The following ABRAXAS2 variants were observed in gnomAD, a reference collection of about 807,000 sequenced individuals.
ABRAXAS2 encodes the protein abraxas 2, BRISC complex subunit.
A neutral mutation model predicts 49.0 loss-of-function variants in ABRAXAS2; 23 were observed. That is an observed-to-expected ratio of 0.47 (90% confidence interval 0.34 to 0.66). ABRAXAS2 has a LOEUF of 0.66. ABRAXAS2 is among the 30% of genes least tolerant of loss of function. The pLI is 0.01. For synonymous variants in ABRAXAS2, 168 were observed against 180.2 expected, an observed-to-expected ratio of 0.93 and a Z score of 0.54; for missense variants, 443 against 511.9, an observed-to-expected ratio of 0.87 and a Z score of 1.30.
rs1392896087 is a variant in ABRAXAS2, at chr10:124,826,798, T to C, written c.458+13T>C. ...GACCAAATAGAAGGTAAAGCTTGCT[T>C]TTCCATCTGCCTCACATATAAGAAG... On this transcript the variant is annotated intron_variant, in intron 5 of 8. Transcript: ENST00000298492. The C allele has an allele frequency of 6.2e-7, 1 of 1,612,630 alleles. No individual in the cohort carries two copies.
intron 1 of ABRAXAS2, among the ~76,000 whole-genome samples, chr10:124,805,290 C>T (rs998981533): frequency 1.3e-5 from 2 of 150,788 alleles, no homozygotes; most frequent in African/African-American, 4.9e-5. Context: ...GCCGAGATTG[C>T]GCCACTGCAG....
At chr10:124,824,913 G>A (rs1018425471) in intron 4 of ABRAXAS2, among the ~76,000 whole-genome samples, 5 of 152,170 alleles carry the variant, frequency 3.3e-5, no homozygotes, top group African/African-American at 1.2e-4. Context: ...ATCATGTCTA[G>A]TGTAGAATGT....
rs182997469 is a variant in ABRAXAS2, at chr10:124,814,734, C to T, written c.164-1842C>T. 4.2e-3 allele frequency among the ~76,000 whole-genome samples: 645 copies of T among 152,106 alleles called. 2 individuals carry two copies. The Middle Eastern group carries it at 0.044, about 10-fold the overall frequency. ...ACATGATCTTGGCTCACTGCAACCT[C>T]TGCCTCCTGGGTTCAAGCAGTTCTG... On this transcript the variant is annotated intron_variant, in intron 2 of 8. Transcript: ENST00000298492.
At chr10:124,825,160 A>G (rs1430257339) in intron 4 of ABRAXAS2, among the ~76,000 whole-genome samples, 2 of 151,962 alleles carry the variant, frequency 1.3e-5, no homozygotes, top group Non-Finnish European at 2.9e-5. Context: ...CATCTCTACT[A>G]AAAATAAATT....
intron 2 of ABRAXAS2, among the ~76,000 whole-genome samples, chr10:124,814,723 C>T (rs1329678139): frequency 6.6e-6 from 1 of 151,900 alleles, no homozygotes; most frequent in Non-Finnish European, 1.5e-5. Flanking sequence ...GATCTTGGCT[C>T]ACTGCAACCT....
chr10:124,812,843 ATGTC>A (rs778769527), intron 2 of ABRAXAS2, among the ~76,000 whole-genome samples: 2 of 152,332 alleles, frequency 1.3e-5, no homozygotes, highest in South Asian at 4.1e-4. Flanking sequence ...TTTGATGAGA[ATGTC>A]TGACTCCATG....
Position 124,816,452 on chromosome 10 carries a change from T to G in ABRAXAS2, c.164-124T>G, listed in dbSNP as rs551773399. Reference sequence around the variant, plus strand: ...GACTGGTGTACATGTAGCAACTGTTTGGCAGAGGGAAAAGCTGTCTTTGTT... The same window carrying G: ...GACTGGTGTACATGTAGCAACTGTTGGGCAGAGGGAAAAGCTGTCTTTGTT... On this transcript the variant is annotated intron_variant, in intron 2 of 8. Coordinates refer to ENST00000298492, the MANE Select transcript of ABRAXAS2 (RefSeq NM_032182.4). The G allele has an allele frequency of 1.2e-5, 8 of 669,516 alleles. No individual in the cohort carries two copies. The East Asian group carries it at 2.0e-4, about 17-fold the overall frequency. 41.5% of individuals were successfully genotyped at this position (669,516 alleles called of 1,614,324 possible). A position where few individuals can be genotyped will look rare whatever the true frequency, so the allele number is the denominator to read the frequency against.
chr10:124,806,884 C>T lies in ABRAXAS2; in HGVS notation c.126C>T (p.Asp42=). ...AAGAGGAAACGTTTAGCATCAGTGA[C>T]TCACAAATCAGCAACACAGAATTTC... ...VRQEETFSIS[D]SQISNTEFLQ... is the part of the protein sequence containing the mutation. The change falls in exon 2 of 9, where the codon GAC becomes GAT. Residue 42 remains aspartate (D), a synonymous_variant. Coordinates refer to ENST00000298492, the MANE Select transcript of ABRAXAS2 (RefSeq NM_032182.4). 6.2e-7 allele frequency: 1 copy of T among 1,611,966 alleles called. No homozygotes were observed. The highest frequency in any genetic ancestry group is 1.1e-5 in the South Asian group (1 of 90,638).
chr10:124,801,869 T>G lies in ABRAXAS2; in HGVS notation c.40T>G (p.Cys14Gly). 6 of 1,613,310 alleles carry G rather than the reference T, an allele frequency of 3.7e-6. No individual in the cohort carries two copies. Among genetic ancestry groups the G allele is most frequent in the Non-Finnish European group, 5.1e-6 (6 of 1,179,788 alleles). The change falls in exon 1 of 9, where the codon TGT (cysteine) becomes GGT (glycine). Residue 14 changes from cysteine to glycine, a missense_variant. Cys to Gly is a radical substitution (Grantham distance 159). This residue lies in a region of ABRAXAS2 where 47 missense variants were observed against 27.6 expected (regional missense o/e 1.70). Coordinates refer to ENST00000298492, the MANE Select transcript of ABRAXAS2 (RefSeq NM_032182.4). ...SISGYTFSAV[C>G]FHSANSNADH... ...TTCGGGCTACACCTTCAGTGCTGTG[T>G]GTTTCCACAGCGCCAACAGCAACGC... is the stretch of plus-strand genomic sequence containing the variant.
At chr10:124,828,674 C>T (rs1950912088) in intron 5 of ABRAXAS2, 82 bp from the exon 6 acceptor site, 19 of 1,125,116 alleles carry the variant, frequency 1.7e-5, no homozygotes, top group Non-Finnish European at 2.2e-5. Context: ...ACACCCAGCC[C>T]TTTTTTTTTT....
chr10:124,819,419 G>C lies in ABRAXAS2; in HGVS notation c.236G>C (p.Ser79Thr). ...TACGCAAGCAAAGTGAATGAGGAGA[G>C]TTTGGACAGGATTCTTAAAGATCGG... ...YDYASKVNEE[S>T]LDRILKDRRK... Residue 79 changes from serine to threonine, a missense_variant, in exon 4 of 9, where the codon AGT (serine) becomes ACT (threonine). Transcript: ENST00000298492. 6.2e-7 allele frequency: 1 copy of C among 1,614,070 alleles called. No individual in the cohort carries two copies. Among genetic ancestry groups the C allele is most frequent in the Non-Finnish European group, 8.5e-7 (1 of 1,180,002 alleles).
intron 1 of ABRAXAS2, 101 bp downstream of exon 1, chr10:124,802,002 G>GT: frequency 8.3e-7 from 1 of 1,207,416 alleles, no homozygotes; most frequent in Non-Finnish European, 1.2e-6. Context: ...TCGCCCCCTG[G>GT]GCACCAGGGC....
intron 2 of ABRAXAS2, among the ~76,000 whole-genome samples, chr10:124,808,178 CTT>C (rs553175695): frequency 1.0e-4 from 15 of 144,744 alleles, no homozygotes; most frequent in Admixed American, 6.9e-5. Flanking sequence ...ATGCGGCAAA[CTT>C]TTTTTTTTTT....
chr10:124,835,125 C>T lies in ABRAXAS2; in HGVS notation c.*154C>T, dbSNP rs7098276. Reference sequence around the variant, plus strand: ...GCACAGAACTTGTGGGAGCCTCCATCCGCTGCTCTTTACCTTTGGATACAG... The same window carrying T: ...GCACAGAACTTGTGGGAGCCTCCATTCGCTGCTCTTTACCTTTGGATACAG... On this transcript the variant is annotated 3_prime_UTR_variant, in exon 9 of 9. Transcript: ENST00000298492. 0.02 allele frequency: 12,034 copies of T among 589,244 alleles called. 1,018 individuals carry two copies. Among genetic ancestry groups the T allele is most frequent in the African/African-American group, 0.19 (10,331 of 53,602 alleles). The allele number at this position is 589,244 out of a possible 1,614,324, so 36.5% of individuals were successfully genotyped here. A position where few individuals can be genotyped will look rare whatever the true frequency, so the allele number is the denominator to read the frequency against.
At chr10:124,802,034 C>T (rs767933709) in intron 1 of ABRAXAS2, 133 bp downstream of exon 1, 5 of 832,900 alleles carry the variant, frequency 6.0e-6, no homozygotes, top group Non-Finnish European at 9.1e-6. Context: ...GCTGGTGACC[C>T]GGGCGGCTCC....
intron 1 of ABRAXAS2, among the ~76,000 whole-genome samples, chr10:124,805,399 T>C (rs911252081): frequency 1.3e-5 from 2 of 151,624 alleles, no homozygotes; most frequent in Non-Finnish European, 2.9e-5. Context: ...CACTTTAAAC[T>C]GGAAATGTTT....
At chr10:124,810,908 G>C (rs578013016) in intron 2 of ABRAXAS2, among the ~76,000 whole-genome samples, 1 of 149,716 alleles carries the variant, frequency 6.7e-6, no homozygotes, top group Non-Finnish European at 1.5e-5. Context: ...TTTTCTTTTC[G>C]TTTTGCTTAA....
At chr10:124,828,674 CT>C (rs377051096) in intron 5 of ABRAXAS2, 81 bp from the exon 6 acceptor site, 102,025 of 1,019,748 alleles carry the variant, frequency 0.1, no homozygotes, top group East Asian at 0.14. Flanking sequence ...ACACCCAGCC[CT>C]TTTTTTTTTT....
intron 1 of ABRAXAS2, among the ~76,000 whole-genome samples, chr10:124,802,106 C>T (rs527888761): frequency 6.6e-6 from 1 of 152,310 alleles, no homozygotes; most frequent in Non-Finnish European, 1.5e-5. Context: ...CCCCTGGCTT[C>T]GCGCTCTCAG....
Sources: gnomAD v4.1 joint callset for allele counts (sites outside exome capture counted in the v4.1 genomes callset) on GRCh38, gnomAD v4.1.1 for gene constraint, gnomAD v4.1.1 regional missense constraint, MANE v1.5 for transcripts, NCBI Gene and HGNC (gene_info 2026-07-23, HGNC 2026-07-21) for gene names.